Variants in LIN7B observed in about 807,000 individuals in gnomAD.
LIN7B encodes the protein protein lin-7 homolog B.
A neutral mutation model predicts 27.9 loss-of-function variants in LIN7B; 16 were observed. That is an observed-to-expected ratio of 0.57 (90% confidence interval 0.39 to 0.87). LIN7B has a LOEUF of 0.87. Among genes scored for constraint, LIN7B ranks in the 40% least tolerant of loss-of-function variants. The pLI, the probability that LIN7B is intolerant of heterozygous loss-of-function variation, is 0.00. For synonymous variants in LIN7B, 147 were observed against 120.8 expected (o/e 1.22, Z -1.42); for missense variants, 291 against 288.5 (o/e 1.01, Z -0.06).
At chr19:49,115,007 T>G (rs767711998) in intron 2 of LIN7B, 40 bp downstream of exon 2, 2 of 1,268,928 alleles carry the variant, frequency 1.6e-6, no homozygotes, top group Non-Finnish European at 2.1e-6. Flanking sequence ...CTGGTGGCCG[T>G]CGTCCTCCTC....
At position 49,115,288 on chromosome 19, in the gene LIN7B, A is replaced by G; in HGVS notation, c.185A>G (p.Asp62Gly). The change falls in exon 3 of 6, where the codon GAC becomes GGC. Residue 62 changes from aspartate to glycine, a missense_variant. Physicochemically the swap from Asp to Gly is moderately conservative, Grantham distance 94 (BLOSUM62 -1). Transcript: ENST00000221459. ...EVYEQLYDTL[D>G]ITGSAEIRAH... is the part of the protein sequence containing the mutation. ...TATGAGCAGCTTTATGACACGCTGG[A>G]CATCACCGGCAGCGCCGAGATCCGA... 6.4e-7 allele frequency: 1 copy of G among 1,565,546 alleles called. No homozygotes were observed. Among genetic ancestry groups the G allele is most frequent in the Non-Finnish European group, 8.7e-7 (1 of 1,154,238 alleles).
In LIN7B at chr19:49,117,845, G is replaced by A. The variant is rs2040856300; in HGVS notation, c.439-10G>A. ...GCCCCAGGCTCAGCTGTCTGTGTTG[G>A]GCCCTGCAGAGCGTTGAGGGTGAGC... On this transcript the variant is annotated splice_polypyrimidine_tract_variant and intron_variant, in intron 4 of 5. Transcript: ENST00000221459. The A allele has an allele frequency of 6.2e-7, 1 of 1,612,658 alleles. No individual in the cohort carries two copies. Among genetic ancestry groups the A allele is most frequent in the African/African-American group, 1.3e-5 (1 of 74,814 alleles).
In LIN7B at chr19:49,114,855, C is replaced by G; in HGVS notation, c.44C>G (p.Ser15Cys). 6.9e-7 allele frequency: 1 copy of G among 1,459,338 alleles called. No individual in the cohort carries two copies. The highest frequency in any genetic ancestry group is 9.0e-7 in the Non-Finnish European group (1 of 1,109,984). The allele number at this position is 1,459,338 out of a possible 1,614,324, so 90.4% of individuals were successfully genotyped here. Residue 15 changes from serine to cysteine, a missense_variant, in exon 2 of 6, where the codon TCC (serine) becomes TGC (cysteine). Coordinates refer to ENST00000221459, the MANE Select transcript of LIN7B (RefSeq NM_022165.3). Reference protein sequence around the residue: ...VEPLGLERDVSRAVELLERLQ... With the variant: ...VEPLGLERDVCRAVELLERLQ... ...CCCCGCCCCCGCCCCGCAGACGTGTCCCGGGCGGTTGAGCTCCTCGAGCGG... is the reference window on the plus strand; with the variant it reads ...CCCCGCCCCCGCCCCGCAGACGTGTGCCGGGCGGTTGAGCTCCTCGAGCGG...
chr19:49,115,528 C>CCAACA, intron 3 of LIN7B, 197 bp downstream of exon 3: 1 of 582,086 alleles, frequency 1.7e-6, no homozygotes, highest in Admixed American at 3.0e-5. Flanking sequence ...CAAATGGAAA[C>CCAACA]AGTATGGCAT....
At chr19:49,115,145 TGCGGGG>T in intron 2 of LIN7B, 109 bp from the exon 3 acceptor site, 1 of 1,002,810 alleles carries the variant, frequency 1.0e-6, no homozygotes, top group Non-Finnish European at 1.4e-6. Context: ...GGCCTTCTGT[TGCGGGG>T]GCGGGGCGGA....
Position 49,116,403 on chromosome 19 carries a change from C to T in LIN7B, c.369C>T (p.Ile123=). ...CGCCCATCTACATCTCCCGGGTCAT[C>T]CCAGGGGGTGTGGCTGACCGCCATG... ...QNSPIYISRV[I]PGGVADRHGG... is the part of the protein sequence containing the mutation. The change falls in exon 4 of 6, where the codon ATC becomes ATT. Residue 123 remains isoleucine (I), a synonymous_variant. Transcript: ENST00000221459. 1 of 1,614,250 alleles carries T rather than the reference C, an allele frequency of 6.2e-7. No individual in the cohort carries two copies.
chr19:49,114,835 C>CCCCG lies in LIN7B; in HGVS notation c.38-11_38-10insGCCC, dbSNP rs779520416. ...TGACACTCGGGGTTTCTGCGCCCCG[C>CCCCG]CCCCGCCCCGCAGACGTGTCCCGGG... On this transcript the variant is annotated splice_polypyrimidine_tract_variant and intron_variant, in intron 1 of 5. Transcript: ENST00000221459. 1.4e-6 allele frequency: 2 copies of CCCCG among 1,405,458 alleles called. No individual in the cohort carries two copies. Among genetic ancestry groups the CCCCG allele is most frequent in the South Asian group, 2.9e-5 (2 of 67,842 alleles). The allele number at this position is 1,405,458 out of a possible 1,614,324, so 87.1% of individuals were successfully genotyped here.
chr19:49,115,842 A>AAAAG (rs767382271), intron 3 of LIN7B: 1 of 149,558 alleles, frequency 6.7e-6, no homozygotes, highest in Non-Finnish European at 1.5e-5. Context: ...AAAAAAAAAA[A>AAAAG]AAAGAAAGAA....
At chr19:49,115,498 T>A (rs1314045214) in intron 3 of LIN7B, 167 bp downstream of exon 3, 2 of 633,852 alleles carry the variant, frequency 3.2e-6, no homozygotes, top group Non-Finnish European at 5.5e-6. Flanking sequence ...AATGTCATAC[T>A]AAGGCATCTT....
Position 49,118,433 on chromosome 19 carries a change from C to T in LIN7B, c.*60C>T. On this transcript the variant is annotated 3_prime_UTR_variant, in exon 6 of 6. Coordinates refer to ENST00000221459, the MANE Select transcript of LIN7B (RefSeq NM_022165.3). ...CCTGTACAGTATTTATTGTTCCTGGCACTTTATTTAAAGATATTTGACCCT... is the reference window on the plus strand; with the variant it reads ...CCTGTACAGTATTTATTGTTCCTGGTACTTTATTTAAAGATATTTGACCCT... 1.3e-6 allele frequency: 2 copies of T among 1,598,424 alleles called. No homozygotes were observed. Among genetic ancestry groups the T allele is most frequent in the Non-Finnish European group, 1.7e-6 (2 of 1,165,722 alleles).
At chr19:49,116,838 A>T (rs1012698808) in intron 4 of LIN7B, among the ~76,000 whole-genome samples, 3 of 152,230 alleles carry the variant, frequency 2.0e-5, no homozygotes, top group African/African-American at 7.2e-5. Flanking sequence ...CAAACAAGGT[A>T]CAGGGTGTTC....
rs771129939 is a variant in LIN7B at position 49,116,480 on chromosome 19, G to T, written c.438+8G>T. 6.2e-7 allele frequency: 1 copy of T among 1,612,222 alleles called. No individual in the cohort carries two copies. Among genetic ancestry groups the T allele is most frequent in the South Asian group, 1.1e-5 (1 of 90,952 alleles). On this transcript the variant is annotated splice_region_variant and intron_variant, in intron 4 of 5. Coordinates refer to ENST00000221459, the MANE Select transcript of LIN7B (RefSeq NM_022165.3). ...TTGTCGGTGAACGGTGTGGTGAGTG[G>T]AGGGCTGAGGCAGGACTGGGGGACA...
At chr19:49,118,204 C>A in intron 5 of LIN7B, 148 bp from the exon 6 acceptor site, 1 of 1,311,766 alleles carries the variant, frequency 7.6e-7, no homozygotes. Context: ...GAGCCCTTAG[C>A]TTCCTTCCAT....
intron 5 of LIN7B, 45 bp downstream of exon 5, chr19:49,118,063 C>A (rs1568429349): frequency 6.2e-7 from 1 of 1,606,050 alleles, no homozygotes; most frequent in South Asian, 1.1e-5. Flanking sequence ...CACGGGCTCC[C>A]TTTAACCCCA....
Position 49,114,868 on chromosome 19 carries a change from G to C in LIN7B, c.57G>C (p.Glu19Asp), listed in dbSNP as rs1338856819. Residue 19 changes from glutamate to aspartate, a missense_variant, in exon 2 of 6, where the codon GAG becomes GAC. Coordinates refer to ENST00000221459, the MANE Select transcript of LIN7B (RefSeq NM_022165.3). ...GLERDVSRAV[E>D]LLERLQRSGE... ...CCGCAGACGTGTCCCGGGCGGTTGA[G>C]CTCCTCGAGCGGCTCCAGCGCAGCG... 2 of 1,469,232 alleles carry C rather than the reference G, an allele frequency of 1.4e-6. No homozygotes were observed. Among genetic ancestry groups the C allele is most frequent in the Admixed American group, 4.8e-5 (2 of 41,582 alleles). 91.0% of individuals were successfully genotyped at this position (1,469,232 alleles called of 1,614,324 possible). A position where few individuals can be genotyped will look rare whatever the true frequency, so the allele number is the denominator to read the frequency against.
chr19:49,114,609 G>C, intron 1 of LIN7B, 168 bp downstream of exon 1: 1 of 519,252 alleles, frequency 1.9e-6, no homozygotes, highest in Non-Finnish European at 2.9e-6. Context: ...GAGGCTCCCT[G>C]GGCGCGGGCC....
rs1247499270 is a variant in LIN7B, at chr19:49,114,931, A to G, written c.120A>G (p.Arg40=). The G allele has an allele frequency of 1.4e-6, 2 of 1,462,228 alleles. No individual in the cohort carries two copies. Among genetic ancestry groups the G allele is most frequent in the Non-Finnish European group, 1.8e-6 (2 of 1,108,058 alleles). 90.6% of individuals were successfully genotyped at this position (1,462,228 alleles called of 1,614,324 possible). A position where few individuals can be genotyped will look rare whatever the true frequency, so the allele number is the denominator to read the frequency against. ...CGCAGAAGCTGCAGGCCCTCCAGCG[A>G]GTTCTGCAGAGCCGCTTCTGCTCCG... ...LPPQKLQALQ[R]VLQSRFCSAI... The change falls in exon 2 of 6, where the codon CGA becomes CGG. Residue 40 remains arginine (R), a synonymous_variant. Transcript: ENST00000221459.
At chr19:49,116,813 TAGG>T (rs2040833313) in intron 4 of LIN7B, among the ~76,000 whole-genome samples, 2 of 152,100 alleles carry the variant, frequency 1.3e-5, no homozygotes, top group Admixed American at 1.3e-4. Context: ...AAAGGATGAG[TAGG>T]AGTTCTCCAG....
rs1201192690 is a variant in LIN7B at position 49,117,914 on chromosome 19, G to C, written c.498G>C (p.Ser166=). ...AVELLKAAQG[S]VKLVVRYTPR... The stretch of plus-strand genomic sequence containing the variant: ...AGCTGCTGAAGGCGGCCCAGGGCTC[G>C]GTGAAGCTGGTTGTCCGTTACACAC... Residue 166 remains serine, a synonymous_variant, in exon 5 of 6, where the codon TCG becomes TCC. Transcript: ENST00000221459. 3 of 1,613,998 alleles carry C rather than the reference G, an allele frequency of 1.9e-6. No homozygotes were observed.
Sources: gnomAD v4.1 joint callset for allele counts (sites outside exome capture counted in the v4.1 genomes callset) on GRCh38, gnomAD v4.1.1 for gene constraint, MANE v1.5 for transcripts, NCBI Gene and HGNC (gene_info 2026-07-23, HGNC 2026-07-21) for gene names.